Variants in CYGB observed in about 807,000 individuals in gnomAD.
CYGB encodes the protein cytoglobin, also known as histoglobin.
Under a neutral mutation model 20.7 loss-of-function variants are expected in CYGB, and 13 were observed. The ratio of observed to expected loss-of-function variants is 0.63; its 90% CI spans 0.41 to 1.00. CYGB has a LOEUF of 1.00. Ranked by LOEUF, CYGB falls within the 50% of genes least tolerant of loss-of-function variation. The pLI is 0.00. For synonymous variants in CYGB, 93 were observed against 107.4 expected, an observed-to-expected ratio of 0.87 and a Z score of 0.83; for missense variants, 218 against 257.2, an observed-to-expected ratio of 0.85 and a Z score of 1.04.
intron 1 of CYGB, among the ~76,000 whole-genome samples, chr17:76,536,707 G>A (rs2074917499): frequency 6.6e-6 from 1 of 152,078 alleles, no homozygotes; most frequent in African/African-American, 2.4e-5. Context: ...TCCCTAGGTG[G>A]GAGGTTTTAG....
In CYGB at chr17:76,534,367, C is replaced by T. The variant is rs372443127; in HGVS notation, c.144-2676G>A. 2.9e-3 allele frequency among the ~76,000 whole-genome samples: 441 copies of T among 152,228 alleles called. 2 individuals are homozygous for T. Among genetic ancestry groups the T allele is most frequent in the African/African-American group, 9.3e-3 (386 of 41,544 alleles). On this transcript the variant is annotated intron_variant, in intron 1 of 3. Transcript: ENST00000293230. The stretch of plus-strand genomic sequence containing the variant: ...CTAATTTTTGTGTTTTTAGTAGAGA[C>T]GGGGTTTCGCCATGCTGGCCAGGCT...
At chr17:76,538,592 T>A, upstream of CYGB, 1 of 432,924 alleles carries the variant, frequency 2.3e-6, no homozygotes, top group Non-Finnish European at 4.8e-6. Flanking sequence ...AGACAGGACC[T>A]GGCAGACAAA....
At chr17:76,540,311 A>T, upstream of CYGB, 1 of 1,409,838 alleles carries the variant, frequency 7.1e-7, no homozygotes, top group Non-Finnish European at 9.8e-7. This position sits in a 1 kb window ranked among gnomAD's most constrained non-coding sequence, Gnocchi z 5.0. Flanking sequence ...GGGCTGCGTG[A>T]ACCTTCAGCG....
At chr17:76,536,724 G>A (rs952498532) in intron 1 of CYGB, among the ~76,000 whole-genome samples, 1 of 152,080 alleles carries the variant, frequency 6.6e-6, no homozygotes, top group Admixed American at 6.5e-5. Flanking sequence ...TTAGGGTTAG[G>A]CCCTGTCTCC....
rs1021596798 is a variant in CYGB at position 76,544,596 on chromosome 17, A to C, written c.-53+6266T>G. The C allele has an allele frequency of 6.3e-5, 29 of 456,732 alleles. No homozygotes were observed. The Middle Eastern group carries it at 9.8e-4, about 15-fold the overall frequency. 28.3% of individuals were successfully genotyped at this position (456,732 alleles called of 1,614,324 possible). A position where few individuals can be genotyped will look rare whatever the true frequency, so the allele number is the denominator to read the frequency against. On this transcript the variant is annotated intron_variant, in intron 1 of 3. Transcript: ENST00000589145. The stretch of plus-strand genomic sequence containing the variant: ...CAAAGCCAGAGCGCCAGCCTGACCC[A>C]GGCCGTGAGCCCGTGATCGCCTGTC...
Position 76,527,897 on chromosome 17 carries a change from GGAATGT to G in CYGB, c.*675_*680del. The G allele has an allele frequency of 2.3e-6, 1 of 434,098 alleles. No individual in the cohort carries two copies. Among genetic ancestry groups the G allele is most frequent in the South Asian group, 1.6e-5 (1 of 62,330 alleles). 26.9% of individuals were successfully genotyped at this position (434,098 alleles called of 1,614,324 possible). The stretch of plus-strand genomic sequence containing the variant: ...CCTTTCTGCCTGGAAGTGGAATTCA[GGAATGT>G]GGGGAGCTGGTCTGAGAAGGGGCTG... On this transcript the variant is annotated 3_prime_UTR_variant, in exon 4 of 4. Coordinates refer to ENST00000293230, the MANE Select transcript of CYGB (RefSeq NM_134268.5).
At chr17:76,540,718 C>T (rs554074667), upstream of CYGB, 7 of 800,168 alleles carry the variant, frequency 8.7e-6, no homozygotes, top group Admixed American at 4.2e-5. This position sits in a 1 kb window ranked among gnomAD's most constrained non-coding sequence, Gnocchi z 5.0. Flanking sequence ...GCTCCCTGTC[C>T]GCCTGCTGGG....
At chr17:76,543,880 T>C (rs1270877891) in intron 1 of CYGB, 1 of 471,126 alleles carries the variant, frequency 2.1e-6, no homozygotes, top group South Asian at 1.5e-5. Context: ...GTGACATGTC[T>C]GCCTGCAGCT....
intron 1 of CYGB, chr17:76,544,600 C>T (rs1195224516): frequency 1.5e-5 from 7 of 456,614 alleles, no homozygotes; most frequent in Admixed American, 2.3e-5. Context: ...TGACCCAGGC[C>T]GTGAGCCCGT....
At chr17:76,539,350 G>C (rs2074959936), upstream of CYGB, among the ~76,000 whole-genome samples, 2 of 152,224 alleles carry the variant, frequency 1.3e-5, no homozygotes, top group Non-Finnish European at 2.9e-5. Context: ...ATAGTCGTAT[G>C]GTGTAGGAAT....
chr17:76,545,455 G>C (rs1055721168), intron 1 of CYGB: 28 of 442,090 alleles, frequency 6.3e-5, no homozygotes, highest in Non-Finnish European at 1.1e-4. Context: ...AGTGCTCAGG[G>C]GCTTGGGAGA....
intron 1 of CYGB, among the ~76,000 whole-genome samples, chr17:76,548,182 CACAT>C (rs1267325729): frequency 1.3e-5 from 2 of 151,926 alleles, no homozygotes; most frequent in South Asian, 2.1e-4. Context: ...TATACACCGA[CACAT>C]ACACATTTAC....
chr17:76,544,549 C>CT (rs1158911657), intron 1 of CYGB: 1 of 456,628 alleles, frequency 2.2e-6, no homozygotes, highest in Admixed American at 2.3e-5. Flanking sequence ...GAAAGTCACA[C>CT]TAGGGAAGGA....
At chr17:76,534,123 T>TC in intron 1 of CYGB, among the ~76,000 whole-genome samples, 1 of 148,872 alleles carries the variant, frequency 6.7e-6, no homozygotes, top group South Asian at 2.1e-4. Context: ...TCTTTCTTTC[T>TC]TTCTTTCTCT....
Position 76,531,375 on chromosome 17 carries a change from C to G in CYGB, c.375+85G>C. On this transcript the variant is annotated intron_variant, in intron 2 of 3. Coordinates refer to ENST00000293230, the MANE Select transcript of CYGB (RefSeq NM_134268.5). The surrounding 1 kb of genome is among the most constrained non-coding windows in gnomAD (Gnocchi z 7.4). ...CACTCCGGGGATCACCTCTGTTGCT[C>G]CAGAGAGCCGTCGCAGAGCCTGCGA... 2.0e-6 allele frequency: 3 copies of G among 1,497,012 alleles called. No homozygotes were observed. Among genetic ancestry groups the G allele is most frequent in the Non-Finnish European group, 2.7e-6 (3 of 1,097,956 alleles). The allele number at this position is 1,497,012 out of a possible 1,614,324, so 92.7% of individuals were successfully genotyped here.
At chr17:76,534,973 C>CT (rs1327597614) in intron 1 of CYGB, among the ~76,000 whole-genome samples, 1 of 152,252 alleles carries the variant, frequency 6.6e-6, no homozygotes, top group Non-Finnish European at 1.5e-5. Context: ...ACAGCCAGCC[C>CT]TGGGGAGTTT....
intron 1 of CYGB, chr17:76,549,858 A>T (rs2075089627): frequency 6.6e-6 from 1 of 152,238 alleles, no homozygotes; most frequent in Non-Finnish European, 1.5e-5. Flanking sequence ...GGCAGAACCG[A>T]CTGATAGTGA....
At chr17:76,547,722 T>C (rs1598218494) in intron 1 of CYGB, among the ~76,000 whole-genome samples, 1 of 135,208 alleles carries the variant, frequency 7.4e-6, no homozygotes, top group African/African-American at 2.9e-5. Context: ...CAGAGACACA[T>C]ACATTCACAC....
At chr17:76,529,939 G>A (rs1299382326) in intron 3 of CYGB, 11 of 985,128 alleles carry the variant, frequency 1.1e-5, no homozygotes, top group East Asian at 1.1e-4. Context: ...GAGCCAGCCC[G>A]GGGCCAGTGT....
Sources: allele counts gnomAD v4.1 joint callset (sites outside exome capture counted in the v4.1 genomes callset), GRCh38; gene constraint gnomAD v4.1.1; non-coding constraint Gnocchi (gnomAD v3.1); transcripts MANE v1.5; gene names NCBI Gene and HGNC (gene_info 2026-07-23, HGNC 2026-07-21).